The following PCCA variants were observed in gnomAD, a reference collection of about 807,000 sequenced individuals.
PCCA encodes the protein propionyl-CoA carboxylase subunit alpha, also known as propionyl-CoA carboxylase alpha chain, mitochondrial.
In PCCA, 74 loss-of-function variants were observed where a neutral mutation model predicts 101.3. That is an observed-to-expected ratio of 0.73 (90% CI 0.61 to 0.89). The LOEUF is 0.89. PCCA is among the 40% of genes least tolerant of loss of function. The probability of loss-of-function intolerance (pLI) is 0.00; values close to 1 mark genes in which losing one functional copy is unlikely to be tolerated. For missense variants in PCCA, 891 were observed against 907.0 expected (o/e 0.98, Z 0.23); for synonymous variants, 294 against 313.6 (o/e 0.94, Z 0.66).
intron 4 of PCCA, among the ~76,000 whole-genome samples, chr13:100,147,919 A>G (rs1339959908): frequency 1.3e-5 from 2 of 151,790 alleles, no homozygotes; most frequent in Non-Finnish European, 2.9e-5. Flanking sequence ...AAAGTTTACT[A>G]TTTTGCTCAT....
intron 20 of PCCA, among the ~76,000 whole-genome samples, chr13:100,432,805 A>T (rs1200204012): frequency 6.6e-6 from 1 of 152,166 alleles, no homozygotes; most frequent in African/African-American, 2.4e-5. Context: ...AGAGAAACCT[A>T]TGTTTCCATG....
chr13:100,511,051 A>T (rs1463745579), intron 21 of PCCA, among the ~76,000 whole-genome samples: 2 of 152,188 alleles, frequency 1.3e-5, no homozygotes, highest in East Asian at 3.8e-4. Context: ...GCAGAAGTAG[A>T]GGGAAATTAT....
Position 100,310,765 on chromosome 13 carries a change from T to G in PCCA, c.1429+857T>G, listed in dbSNP as rs16957278. Among the ~76,000 whole-genome samples, 1,024 of 152,296 alleles carry G rather than the reference T, an allele frequency of 6.7e-3. 14 individuals are homozygous for G. Among genetic ancestry groups the G allele is most frequent in the African/African-American group, 0.023 (964 of 41,550 alleles). On this transcript the variant is annotated intron_variant, in intron 16 of 23. Transcript: ENST00000376285. ...GTTTTTAAGTGACTAAAATACAAAGTAGGCTTGCCATTATTCTCCTAACTT... is the reference window on the plus strand; with the variant it reads ...GTTTTTAAGTGACTAAAATACAAAGGAGGCTTGCCATTATTCTCCTAACTT...
intron 20 of PCCA, among the ~76,000 whole-genome samples, chr13:100,441,698 G>A (rs1170674549): frequency 2.0e-5 from 3 of 152,182 alleles, no homozygotes; most frequent in African/African-American, 7.2e-5. Flanking sequence ...AATATTTGCA[G>A]AAAATATTTT....
At chr13:100,506,884 A>G (rs1193121207) in intron 21 of PCCA, among the ~76,000 whole-genome samples, 1 of 152,222 alleles carries the variant, frequency 6.6e-6, no homozygotes, top group Non-Finnish European at 1.5e-5. Context: ...CTTTTCTGTA[A>G]GCTGATGCTG....
intron 1 of PCCA, among the ~76,000 whole-genome samples, chr13:100,089,565 C>T (rs2046088096): frequency 6.6e-6 from 1 of 152,224 alleles, no homozygotes; most frequent in Admixed American, 6.5e-5. Flanking sequence ...TTGGCTTTGT[C>T]TTAAGCTTTC....
intron 12 of PCCA, among the ~76,000 whole-genome samples, chr13:100,275,922 T>G (rs535919106): frequency 1.3e-5 from 2 of 152,310 alleles, no homozygotes; most frequent in East Asian, 1.9e-4. Flanking sequence ...GCCATTTCTC[T>G]TATTATTTTA....
rs61614293 is a variant in PCCA, at chr13:100,515,809, G to T, written c.2040+242G>T. On this transcript the variant is annotated intron_variant, in intron 22 of 23. Coordinates refer to ENST00000376285, the MANE Select transcript of PCCA (RefSeq NM_000282.4). ...GAGTGGAGCAGAAAGAAGGCCAGAT[G>T]CATTCCATCATTTTGCAAATGCAGT... Among the ~76,000 whole-genome samples, 41,202 of 152,222 alleles carry T rather than the reference G, an allele frequency of 0.27. 6,072 individuals carry two copies. Among genetic ancestry groups the T allele is most frequent in the Middle Eastern group, 0.39 (114 of 294 alleles).
intron 21 of PCCA, among the ~76,000 whole-genome samples, chr13:100,493,945 C>G (rs1337861886): frequency 2.0e-5 from 3 of 152,140 alleles, no homozygotes; most frequent in East Asian, 3.9e-4. Flanking sequence ...AATCTCAGCA[C>G]TTTGGGAGGC....
At chr13:100,388,791 G>A (rs776761658) in intron 19 of PCCA, among the ~76,000 whole-genome samples, 14 of 152,110 alleles carry the variant, frequency 9.2e-5, no homozygotes, top group East Asian at 1.9e-4. Context: ...GTGAAACTCC[G>A]TCTTAAAAAA....
chr13:100,155,636 A>G (rs1381786159), intron 5 of PCCA, among the ~76,000 whole-genome samples: 1 of 152,194 alleles, frequency 6.6e-6, no homozygotes, highest in Non-Finnish European at 1.5e-5. Context: ...ATCCAAGGAA[A>G]AAAATGATTT....
chr13:100,459,933 C>T (rs961375297), intron 21 of PCCA, among the ~76,000 whole-genome samples: 22 of 152,290 alleles, frequency 1.4e-4, no homozygotes, highest in African/African-American at 4.3e-4. Flanking sequence ...CTGTTAAGGG[C>T]GCTAATCCCA....
Position 100,230,806 on chromosome 13 carries a change from G to C in PCCA, c.601-5036G>C, listed in dbSNP as rs144909863. Among the ~76,000 whole-genome samples, 22 of 152,320 alleles carry C rather than the reference G, an allele frequency of 1.4e-4. 1 individual carries two copies. The East Asian group carries it at 4.1e-3, about 28-fold the overall frequency. On this transcript the variant is annotated intron_variant, in intron 7 of 23. Transcript: ENST00000376285. ...TTGAACCAGCTGGACAAGGGTTTCT[G>C]TCCTTATGGAGCTTACATTTTAATG...
At chr13:100,156,460 A>G (rs2053901178) in intron 5 of PCCA, among the ~76,000 whole-genome samples, 1 of 152,246 alleles carries the variant, frequency 6.6e-6, no homozygotes, top group African/African-American at 2.4e-5. Context: ...TAGCAGAATT[A>G]TTTTACTAGA....
In PCCA at chr13:100,262,679, C is replaced by A; in HGVS notation, c.717-50C>A. On this transcript the variant is annotated intron_variant, in intron 9 of 23. Coordinates refer to ENST00000376285, the MANE Select transcript of PCCA (RefSeq NM_000282.4). ...CTCTTCTTCTCCTTCTTCCCCTTCC[C>A]CTTCCCCTCCCTCTCCCCCCCTCCT... is the stretch of plus-strand genomic sequence containing the variant. 3.8e-6 allele frequency: 3 copies of A among 784,720 alleles called. No individual in the cohort carries two copies. In the South Asian group the frequency reaches 4.2e-5, roughly 11 times the overall value. 48.6% of individuals were successfully genotyped at this position (784,720 alleles called of 1,614,324 possible).
chr13:100,309,776 A>G (rs2066759588), intron 15 of PCCA, 57 bp from the exon 16 acceptor site: 1 of 1,105,324 alleles, frequency 9.0e-7, no homozygotes, highest in Non-Finnish European at 1.3e-6. Context: ...AAAATGAATC[A>G]TTTAACATAG....
intron 18 of PCCA, among the ~76,000 whole-genome samples, chr13:100,360,622 A>G (rs1266193838): frequency 1.3e-5 from 2 of 152,212 alleles, no homozygotes; most frequent in African/African-American, 4.8e-5. Context: ...AGATACCACT[A>G]CATACCTATT....
chr13:100,277,820 C>T (rs1181322371), intron 12 of PCCA, among the ~76,000 whole-genome samples: 1 of 152,160 alleles, frequency 6.6e-6, no homozygotes, highest in Non-Finnish European at 1.5e-5. Flanking sequence ...CCACCATTTT[C>T]ACATGAATAT....
chr13:100,165,702 A>G lies in PCCA; in HGVS notation c.468+8362A>G, dbSNP rs906503620. Among the ~76,000 whole-genome samples the G allele has an allele frequency of 3.3e-5, 5 of 152,136 alleles. No individual in the cohort carries two copies. The East Asian group carries it at 5.8e-4, about 18-fold the overall frequency. On this transcript the variant is annotated intron_variant, in intron 6 of 23. Coordinates refer to ENST00000376285, the MANE Select transcript of PCCA (RefSeq NM_000282.4). ...AACTTAAGTTGTAGATAATAGTACA[A>G]TTCACTCTCCTGTACACTTCAGCAT...
Sources: gnomAD v4.1 joint callset for allele counts (sites outside exome capture counted in the v4.1 genomes callset) on GRCh38, gnomAD v4.1.1 for gene constraint, MANE v1.5 for transcripts, NCBI Gene and HGNC (gene_info 2026-07-23, HGNC 2026-07-21) for gene names.